Variants in NPSR1 observed in about 807,000 individuals in gnomAD.
NPSR1 encodes the protein neuropeptide S receptor.
A neutral mutation model predicts 46.9 loss-of-function variants in NPSR1; 48 were observed. That is an observed-to-expected ratio of 1.02 (90% CI 0.81 to 1.30). NPSR1 has a LOEUF of 1.30. NPSR1 is among the 50% of genes most tolerant of loss of function. The pLI, the probability that NPSR1 is intolerant of heterozygous loss-of-function variation, is 0.00. For synonymous variants in NPSR1, 176 were observed against 168.1 expected (o/e 1.05, Z -0.36); for missense variants, 450 against 449.5 (o/e 1.00, Z -0.01).
At chr7:34,774,046 A>G (rs1386537533) in intron 2 of NPSR1, among the ~76,000 whole-genome samples, 2 of 152,182 alleles carry the variant, frequency 1.3e-5, no homozygotes, top group Admixed American at 1.3e-4. Flanking sequence ...AGAAACCTAT[A>G]CATATATTCA....
At chr7:34,748,264 T>A (rs1785315445) in intron 2 of NPSR1, among the ~76,000 whole-genome samples, 1 of 152,226 alleles carries the variant, frequency 6.6e-6, no homozygotes, top group Non-Finnish European at 1.5e-5. Context: ...AGCATTCGCA[T>A]AATATCTATT....
At chr7:34,867,627 A>G (rs1032626959) in intron 8 of NPSR1, among the ~76,000 whole-genome samples, 2 of 151,826 alleles carry the variant, frequency 1.3e-5, no homozygotes, top group Non-Finnish European at 2.9e-5. Flanking sequence ...AAGATTTCCG[A>G]TATCACCCCA....
intron 2 of NPSR1, among the ~76,000 whole-genome samples, chr7:34,742,784 T>C (rs1374809200): frequency 6.6e-6 from 1 of 152,240 alleles, no homozygotes; most frequent in East Asian, 1.9e-4. Flanking sequence ...CAGTGTATAA[T>C]TCTTCCCTTT....
chr7:34,795,136 T>C (rs971812617), intron 3 of NPSR1, among the ~76,000 whole-genome samples: 3 of 152,164 alleles, frequency 2.0e-5, no homozygotes, highest in African/African-American at 7.2e-5. Flanking sequence ...ATGTAACCCA[T>C]TATATCAATA....
intron 1 of NPSR1, among the ~76,000 whole-genome samples, chr7:34,678,474 T>A (rs1792441380): frequency 6.6e-6 from 1 of 151,986 alleles, no homozygotes; most frequent in East Asian, 1.9e-4. Context: ...CAGGAGTAAA[T>A]CTTGGAAAAT....
At chr7:34,807,925 CTAATCCCTGGA>C (rs1003765593) in intron 3 of NPSR1, among the ~76,000 whole-genome samples, 19 of 151,238 alleles carry the variant, frequency 1.3e-4, no homozygotes, top group African/African-American at 4.6e-4. Flanking sequence ...AATCCGTATC[CTAATCCCTGGA>C]ACCTGTGATG....
At chr7:34,790,342 C>T (rs1317441193) in intron 3 of NPSR1, among the ~76,000 whole-genome samples, 3 of 151,890 alleles carry the variant, frequency 2.0e-5, no homozygotes, top group Non-Finnish European at 4.4e-5. Flanking sequence ...TAAAAATGCT[C>T]AACAAATTAG....
intron 2 of NPSR1, among the ~76,000 whole-genome samples, chr7:34,699,952 C>T (rs1396426487): frequency 6.6e-6 from 1 of 152,180 alleles, no homozygotes; most frequent in African/African-American, 2.4e-5. Context: ...CCCTCTTCTG[C>T]TAGCTTTGTT....
At chr7:34,771,778 C>T (rs932534208) in intron 2 of NPSR1, among the ~76,000 whole-genome samples, 1 of 152,102 alleles carries the variant, frequency 6.6e-6, no homozygotes, top group African/African-American at 2.4e-5. Flanking sequence ...ATGTTCTAAC[C>T]TTTCTTATTT....
At chr7:34,678,654 G>A (rs559752801) in intron 1 of NPSR1, among the ~76,000 whole-genome samples, 13 of 151,798 alleles carry the variant, frequency 8.6e-5, no homozygotes, top group South Asian at 6.3e-4. Flanking sequence ...GTGAAACCCC[G>A]TCTCTACTAA....
chr7:34,680,940 G>GGT (rs1429991484), intron 1 of NPSR1, among the ~76,000 whole-genome samples: 5 of 144,488 alleles, frequency 3.5e-5, no homozygotes, highest in African/African-American at 1.0e-4. Flanking sequence ...GTTGATAAAG[G>GGT]TTTTTTTTTT....
At chr7:34,744,402 C>T (rs1170506061) in intron 2 of NPSR1, among the ~76,000 whole-genome samples, 1 of 151,994 alleles carries the variant, frequency 6.6e-6, no homozygotes, top group Non-Finnish European at 1.5e-5. Context: ...CTACATGTGC[C>T]TAACCTTGTG....
chr7:34,876,208 A>C (rs764030945), intron 8 of NPSR1, among the ~76,000 whole-genome samples: 99 of 152,180 alleles, frequency 6.5e-4, no homozygotes, highest in Non-Finnish European at 8.8e-4. Context: ...AAGAAGAGGG[A>C]AGGGAAATAT....
chr7:34,693,590 C>T (rs1353464332), intron 2 of NPSR1, among the ~76,000 whole-genome samples: 1 of 152,180 alleles, frequency 6.6e-6, no homozygotes, highest in Admixed American at 6.5e-5. Flanking sequence ...ACCAATCTTA[C>T]TGAATCTATT....
At chr7:34,770,884 A>G (rs1786650952) in intron 2 of NPSR1, among the ~76,000 whole-genome samples, 2 of 152,192 alleles carry the variant, frequency 1.3e-5, no homozygotes, top group East Asian at 1.9e-4. Context: ...GGTGCCTTGC[A>G]TGCTGCCTAG....
Position 34,720,099 on chromosome 7 carries a change from G to A in NPSR1, c.280+35415G>A, listed in dbSNP as rs1341920175. On this transcript the variant is annotated intron_variant, in intron 2 of 8. Coordinates refer to ENST00000360581, the MANE Select transcript of NPSR1 (RefSeq NM_207172.2). ...GTTTGAGACCAGCCTGACCAACATG[G>A]TGAAGCCCTATCTCTACTAAAAATA... is the stretch of plus-strand genomic sequence containing the variant. 3.3e-5 allele frequency among the ~76,000 whole-genome samples: 5 copies of A among 152,172 alleles called. No homozygotes were observed. The East Asian group carries it at 9.7e-4, about 29-fold the overall frequency.
At chr7:34,776,253 AC>A (rs1786952342) in intron 2 of NPSR1, among the ~76,000 whole-genome samples, 1 of 152,088 alleles carries the variant, frequency 6.6e-6, no homozygotes, top group Admixed American at 6.6e-5. Context: ...GTGTTTCTTT[AC>A]CAATTTTCTG....
At chr7:34,673,915 T>C (rs1792183870) in intron 1 of NPSR1, among the ~76,000 whole-genome samples, 2 of 152,180 alleles carry the variant, frequency 1.3e-5, no homozygotes, top group Admixed American at 1.3e-4. Flanking sequence ...GTAAAGCAGT[T>C]AGAAAACGTA....
chr7:34,797,032 G>A (rs141275186), intron 3 of NPSR1, among the ~76,000 whole-genome samples: 125 of 152,258 alleles, frequency 8.2e-4, no homozygotes, highest in African/African-American at 2.7e-3. Context: ...TAAAGGTTAC[G>A]TGTCTCATGC....
Sources: gnomAD v4.1 joint callset for allele counts (sites outside exome capture counted in the v4.1 genomes callset) on GRCh38, gnomAD v4.1.1 for gene constraint, MANE v1.5 for transcripts, NCBI Gene and HGNC (gene_info 2026-07-23, HGNC 2026-07-21) for gene names.